The following ADGRB1 variants were observed in gnomAD, a reference collection of about 807,000 sequenced individuals.
ADGRB1 encodes the protein adhesion G protein-coupled receptor B1, also known as brain-specific angiogenesis inhibitor 1.
Under a neutral mutation model 175.7 loss-of-function variants are expected in ADGRB1, and 36 were observed. The observed-to-expected ratio is 0.20, with a 90% CI of 0.16 to 0.27. The LOEUF is 0.27. ADGRB1 is among the 10% of genes least tolerant of loss of function. The pLI, the probability that ADGRB1 is intolerant of heterozygous loss-of-function variation, is 1.00. For synonymous variants in ADGRB1, 1,054 were observed against 979.4 expected (o/e 1.08, Z -1.42); for missense variants, 1,731 against 2,255.3 (o/e 0.77, Z 4.71).
At chr8:142,530,722 G>C (rs1844572844) in intron 24 of ADGRB1, among the ~76,000 whole-genome samples, 2 of 152,282 alleles carry the variant, frequency 1.3e-5, no homozygotes, top group South Asian at 4.1e-4. Context: ...ATGTGGCAGG[G>C]GCTGTGGGAT....
rs11782438 is a variant in ADGRB1 at position 142,481,726 on chromosome 8, C to G, written c.2130+15C>G. 0.6 allele frequency: 908,274 copies of G among 1,521,552 alleles called. 273,507 individuals carry two copies. Among genetic ancestry groups the G allele is most frequent in the Middle Eastern group, 0.63 (3,618 of 5,706 alleles). 94.3% of individuals were successfully genotyped at this position (1,521,552 alleles called of 1,614,324 possible). ...GGGACGTACAGGTGGGCTCCCCGAG[C>G]GGCATTTTGGAAGAGGGTGTCGGGA... is the stretch of plus-strand genomic sequence containing the variant. On this transcript the variant is annotated intron_variant, in intron 11 of 30. Transcript: ENST00000517894.
intron 18 of ADGRB1, among the ~76,000 whole-genome samples, chr8:142,512,410 C>G (rs1843155911): frequency 6.6e-6 from 1 of 152,148 alleles, no homozygotes; most frequent in Non-Finnish European, 1.5e-5. Flanking sequence ...CTTTCTGGGC[C>G]CCTTCGAAGC....
In ADGRB1 at chr8:142,464,913, G is replaced by A; in HGVS notation, c.715G>A (p.Ala239Thr). The stretch of plus-strand genomic sequence containing the variant: ...CCGCGGGGATGTCTGCTTGAGAGAT[G>A]CGGTGGCTGGTGGCCCTGAAAACTG... Reference protein sequence around the residue: ...APRGDVCLRDAVAGGPENCLT... With the variant: ...APRGDVCLRDTVAGGPENCLT... The change falls in exon 2 of 31, where the codon GCG becomes ACG. Residue 239 changes from alanine (A) to threonine (T), a missense_variant. Around this residue, in one of 8 missense-constraint regions of ADGRB1, gnomAD observed 383 missense variants for 383.1 expected, o/e 1.00. Transcript: ENST00000517894. 9 of 1,529,772 alleles carry A rather than the reference G, an allele frequency of 5.9e-6. No individual in the cohort carries two copies. The highest frequency in any genetic ancestry group is 7.9e-6 in the Non-Finnish European group (9 of 1,143,586). The allele number at this position is 1,529,772 out of a possible 1,614,324, so 94.8% of individuals were successfully genotyped here.
chr8:142,532,302 G>A (rs1228118045), intron 24 of ADGRB1, among the ~76,000 whole-genome samples: 1 of 152,212 alleles, frequency 6.6e-6, no homozygotes, highest in Non-Finnish European at 1.5e-5. Context: ...ACAGCCCCGG[G>A]AAGCAGGTTG....
chr8:142,539,586 GC>G, intron 27 of ADGRB1, 173 bp downstream of exon 27: 1 of 777,774 alleles, frequency 1.3e-6, no homozygotes, highest in Non-Finnish European at 2.1e-6. Flanking sequence ...TGCCCTGGGG[GC>G]CCAGCCTTCC....
At chr8:142,524,197 C>G (rs779512530) in intron 22 of ADGRB1, 41 bp from the exon 23 acceptor site, 1 of 1,579,074 alleles carries the variant, frequency 6.3e-7, no homozygotes, top group Non-Finnish European at 8.6e-7. Flanking sequence ...CTGCACGCCC[C>G]TCTGCACACG....
At chr8:142,525,878 A>T (rs1844145470) in intron 23 of ADGRB1, among the ~76,000 whole-genome samples, 1 of 152,166 alleles carries the variant, frequency 6.6e-6, no homozygotes, top group South Asian at 2.1e-4. Flanking sequence ...GGGAGCAGAG[A>T]GTATGGCCTG....
At chr8:142,460,066 G>A (rs906401045) in intron 1 of ADGRB1, among the ~76,000 whole-genome samples, 2 of 152,204 alleles carry the variant, frequency 1.3e-5, no homozygotes, top group African/African-American at 2.4e-5. Context: ...TGCCCGGCTC[G>A]GGCCTGGCGT....
At position 142,520,979 on chromosome 8, in the gene ADGRB1, A is replaced by G. The variant is rs146432972; in HGVS notation, c.3024+54A>G. 857 of 1,538,650 alleles carry G rather than the reference A, an allele frequency of 5.6e-4. 7 individuals carry two copies. In the African/African-American group the frequency reaches 9.6e-3, roughly 17 times the overall value. On this transcript the variant is annotated intron_variant, in intron 20 of 30. Coordinates refer to ENST00000517894, the MANE Select transcript of ADGRB1 (RefSeq NM_001702.3). The stretch of plus-strand genomic sequence containing the variant: ...TTCCCAACATCCTCGGGTGGTGAGG[A>G]TGGACCCCAGGAGGGGCCTGGACCG...
rs564079833 is a variant in ADGRB1 at position 142,520,192 on chromosome 8, T to G, written c.2922-631T>G. Among the ~76,000 whole-genome samples, 1,070 of 149,786 alleles carry G rather than the reference T, an allele frequency of 7.1e-3. 8 individuals carry two copies. The highest frequency in any genetic ancestry group is 0.025 in the African/African-American group (1,027 of 40,462). On this transcript the variant is annotated intron_variant, in intron 19 of 30. Transcript: ENST00000517894. ...GTAGTGGTTGTGATGGTGTTGGTGC[T>G]GGTGCTAGTGATTATGGTGATGGTG...
chr8:142,478,296 C>T lies in ADGRB1; in HGVS notation c.1497C>T (p.Tyr499=), dbSNP rs550583120. The change falls in exon 7 of 31, where the codon TAC becomes TAT. Residue 499 remains tyrosine, a synonymous_variant. Transcript: ENST00000517894. The part of the protein sequence containing the change: ...QRTRECNGPS[Y]GGAECQGHWV... ...CGCGTGAATGCAACGGGCCTTCCTACGGGGGTGCGGAGTGCCAGGGCCACT... is the reference window on the plus strand; with the variant it reads ...CGCGTGAATGCAACGGGCCTTCCTATGGGGGTGCGGAGTGCCAGGGCCACT... The T allele has an allele frequency of 1.7e-5, 27 of 1,610,630 alleles. No homozygotes were observed. Among genetic ancestry groups the T allele is most frequent in the Admixed American group, 3.3e-5 (2 of 59,774 alleles).
chr8:142,453,241 G>A (rs1244089000), intron 1 of ADGRB1, among the ~76,000 whole-genome samples: 1 of 152,222 alleles, frequency 6.6e-6, no homozygotes, highest in Non-Finnish European at 1.5e-5. Context: ...GCACGTGTGT[G>A]CAGGCATGCA....
At chr8:142,461,641 A>G (rs568267255) in intron 1 of ADGRB1, among the ~76,000 whole-genome samples, 1 of 152,238 alleles carries the variant, frequency 6.6e-6, no homozygotes, top group East Asian at 1.9e-4. Flanking sequence ...CGCCCTGGGA[A>G]TGCTATGGGG....
At chr8:142,489,482 G>T (rs111402454) in intron 16 of ADGRB1, 44 bp downstream of exon 16, 7 of 1,585,320 alleles carry the variant, frequency 4.4e-6, no homozygotes, top group Non-Finnish European at 6.1e-6. Flanking sequence ...GCAGAAACGC[G>T]TGTGCGCGAA....
chr8:142,484,643 C>T lies in ADGRB1; in HGVS notation c.2200-13C>T, dbSNP rs537664418. On this transcript the variant is annotated splice_polypyrimidine_tract_variant and intron_variant, in intron 12 of 30. Coordinates refer to ENST00000517894, the MANE Select transcript of ADGRB1 (RefSeq NM_001702.3). ...GGCCTCCTCCCTCGGCTGCTCACCCCCCTGCCCTCCAGGCGGGCCCCAACG... is the reference window on the plus strand; with the variant it reads ...GGCCTCCTCCCTCGGCTGCTCACCCTCCTGCCCTCCAGGCGGGCCCCAACG... 1.2e-6 allele frequency: 2 copies of T among 1,603,208 alleles called. No homozygotes were observed. Among genetic ancestry groups the T allele is most frequent in the Non-Finnish European group, 1.7e-6 (2 of 1,175,918 alleles).
chr8:142,509,109 A>T (rs62513296), intron 17 of ADGRB1, among the ~76,000 whole-genome samples: 106,731 of 152,230 alleles, frequency 0.7, 39,806 homozygotes, highest in East Asian at 0.81. Context: ...GGCTCACAGC[A>T]TGTCCCTTCT....
rs1845351620 is a variant in ADGRB1, at chr8:142,542,686, G to A, written c.4413+39G>A. 1.3e-6 allele frequency: 2 copies of A among 1,500,380 alleles called. No individual in the cohort carries two copies. Among genetic ancestry groups the A allele is most frequent in the Non-Finnish European group, 1.8e-6 (2 of 1,118,446 alleles). The allele number at this position is 1,500,380 out of a possible 1,614,324, so 92.9% of individuals were successfully genotyped here. A position where few individuals can be genotyped will look rare whatever the true frequency, so the allele number is the denominator to read the frequency against. ...GGGTGGGCCACACCCCAGCCAGCGA[G>A]GGCAGGGCTGCAGCAGCTGGGTCAC... On this transcript the variant is annotated intron_variant, in intron 28 of 30. Coordinates refer to ENST00000517894, the MANE Select transcript of ADGRB1 (RefSeq NM_001702.3). The surrounding 1 kb of genome is among the most constrained non-coding windows in gnomAD (Gnocchi z 6.3).
At position 142,544,672 on chromosome 8, in the gene ADGRB1, G is replaced by A. The variant is rs9650581; in HGVS notation, c.*255G>A. 47 of 358,946 alleles carry A rather than the reference G, an allele frequency of 1.3e-4. No individual in the cohort carries two copies. The highest frequency in any genetic ancestry group is 2.9e-4 in the Admixed American group (6 of 20,620). The allele number at this position is 358,946 out of a possible 1,614,324, so 22.2% of individuals were successfully genotyped here. On this transcript the variant is annotated 3_prime_UTR_variant, in exon 31 of 31. Coordinates refer to ENST00000517894, the MANE Select transcript of ADGRB1 (RefSeq NM_001702.3). ...CCTCAGACTCCGCCCTCCTCGGGCC[G>A]AGGCCCAGCGGGCAGATGGGCGGAC... is the stretch of plus-strand genomic sequence containing the variant.
chr8:142,494,377 T>C (rs1039099741), intron 17 of ADGRB1, among the ~76,000 whole-genome samples: 3 of 151,864 alleles, frequency 2.0e-5, no homozygotes, highest in Non-Finnish European at 1.5e-5. Context: ...TAGCCACACA[T>C]AGTCCTGACC....
Sources: allele counts gnomAD v4.1 joint callset (sites outside exome capture counted in the v4.1 genomes callset), GRCh38; gene constraint gnomAD v4.1.1; regional missense constraint gnomAD v4.1.1; non-coding constraint Gnocchi (gnomAD v3.1); transcripts MANE v1.5; gene names NCBI Gene and HGNC (gene_info 2026-07-23, HGNC 2026-07-21).